TPCN1: variants seen among roughly 807,000 people sequenced by gnomAD.
The protein encoded by TPCN1 is two pore channel protein 1.
A neutral mutation model predicts 108.8 loss-of-function variants in TPCN1; 52 were observed. That is an observed-to-expected ratio of 0.48 (90% CI 0.38 to 0.60). The LOEUF is 0.60. TPCN1 is among the 20% of genes least tolerant of loss of function. The pLI is 0.00. For missense variants in TPCN1, 806 were observed against 1,072.8 expected (o/e 0.75, Z 3.47); for synonymous variants, 446 against 433.7 (o/e 1.03, Z -0.35).
chr12:113,293,510 G>A (rs1459653993), intron 27 of TPCN1, among the ~76,000 whole-genome samples, 161 bp downstream of exon 27: 1 of 152,184 alleles, frequency 6.6e-6, no homozygotes, highest in Non-Finnish European at 1.5e-5. Flanking sequence ...CCTGAGCGGG[G>A]CTCACTTAGC....
At chr12:113,240,564 TGAG>T (rs1954072121) in intron 2 of TPCN1, among the ~76,000 whole-genome samples, 1 of 152,218 alleles carries the variant, frequency 6.6e-6, no homozygotes, top group Non-Finnish European at 1.5e-5. Flanking sequence ...CTTTCTGCAT[TGAG>T]GATGTGAACC....
At chr12:113,275,566 G>A (rs1321130854) in intron 10 of TPCN1, among the ~76,000 whole-genome samples, 4 of 146,622 alleles carry the variant, frequency 2.7e-5, no homozygotes, top group African/African-American at 1.0e-4. Context: ...TTAAAAAGGA[G>A]AAAATATTTC....
At chr12:113,249,218 G>A (rs1165370429) in intron 2 of TPCN1, among the ~76,000 whole-genome samples, 10 of 152,190 alleles carry the variant, frequency 6.6e-5, no homozygotes, top group Admixed American at 2.0e-4. Flanking sequence ...TGGAGGGACC[G>A]TCTGTGCGAG....
rs778247471 is a variant in TPCN1, at chr12:113,272,132, C to T, written c.749-526C>T. 4.6e-5 allele frequency among the ~76,000 whole-genome samples: 7 copies of T among 152,300 alleles called. No homozygotes were observed. The highest frequency in any genetic ancestry group is 7.2e-5 in the African/African-American group (3 of 41,554). ...TCTCCGGGGGTAGGGGCTGATTTCC[C>T]CTGAGGGCAGAGTTCCTCCCTTTTC... is the stretch of plus-strand genomic sequence containing the variant. On this transcript the variant is annotated intron_variant, in intron 7 of 27. Coordinates refer to ENST00000335509, the MANE Select transcript of TPCN1 (RefSeq NM_017901.6). This position sits in a 1 kb window ranked among gnomAD's most constrained non-coding sequence, Gnocchi z 4.1.
In TPCN1 at chr12:113,284,243, G is replaced by A. The variant is rs1313523226; in HGVS notation, c.1343-338G>A. Reference sequence around the variant, plus strand: ...TTATTTTAAAATTAGAAGTCTCTAGGGGAAAACAAGTGTTTTCAATACTTG... The same window carrying A: ...TTATTTTAAAATTAGAAGTCTCTAGAGGAAAACAAGTGTTTTCAATACTTG... On this transcript the variant is annotated intron_variant, in intron 15 of 27. Coordinates refer to ENST00000335509, the MANE Select transcript of TPCN1 (RefSeq NM_017901.6). This position sits in a 1 kb window ranked among gnomAD's most constrained non-coding sequence, Gnocchi z 4.1. Among the ~76,000 whole-genome samples, 1 of 152,160 alleles carries A rather than the reference G, an allele frequency of 6.6e-6. No homozygotes were observed. The highest frequency in any genetic ancestry group is 1.5e-5 in the Non-Finnish European group (1 of 68,038).
intron 18 of TPCN1, among the ~76,000 whole-genome samples, chr12:113,286,291 C>A (rs544377220): frequency 1.3e-3 from 197 of 152,352 alleles, no homozygotes; most frequent in Middle Eastern, 3.4e-3. Flanking sequence ...ATGCTCCCCC[C>A]CTTCCTTGAT....
intron 2 of TPCN1, among the ~76,000 whole-genome samples, chr12:113,240,001 G>A (rs1028532531): frequency 6.6e-6 from 1 of 152,074 alleles, no homozygotes; most frequent in African/African-American, 2.4e-5. Flanking sequence ...TCGTCGACAA[G>A]CATGATGTCT....
intron 24 of TPCN1, 31 bp from the exon 25 acceptor site, chr12:113,291,843 C>T (rs1363215962): frequency 6.6e-7 from 1 of 1,520,846 alleles, no homozygotes. Context: ...TCCTCCCCTG[C>T]CTCTGCCCCT....
Position 113,273,839 on chromosome 12 carries a change from G to A in TPCN1, c.942+171G>A, listed in dbSNP as rs969796198. Among the ~76,000 whole-genome samples, 10 of 152,152 alleles carry A rather than the reference G, an allele frequency of 6.6e-5. No homozygotes were observed. The highest frequency in any genetic ancestry group is 1.3e-4 in the Non-Finnish European group (9 of 68,040). On this transcript the variant is annotated intron_variant, in intron 10 of 27. Transcript: ENST00000335509. This position sits in a 1 kb window ranked among gnomAD's most constrained non-coding sequence, Gnocchi z 4.0. ...GCGGTGTTGCAGGGAATGCCCTGTC[G>A]GGACTTCAGGAGTTCAGCCAGTTGC...
chr12:113,277,067 C>A, intron 11 of TPCN1, 32 bp downstream of exon 11: 1 of 1,597,994 alleles, frequency 6.3e-7, no homozygotes, highest in South Asian at 1.1e-5. Context: ...GGGGCTTGGT[C>A]CCTGTCCTCC....
rs189195132 is a variant in TPCN1, at chr12:113,260,145, T to G, written c.113-223T>G. On this transcript the variant is annotated intron_variant, in intron 2 of 27. Coordinates refer to ENST00000335509, the MANE Select transcript of TPCN1 (RefSeq NM_017901.6). ...ACATTAGAGAGCATACTATTTGTAC[T>G]CTTTTGTACTTGCTTTTTTCACTTA... Among the ~76,000 whole-genome samples, 635 of 152,328 alleles carry G rather than the reference T, an allele frequency of 4.2e-3. 10 individuals are homozygous for G. The highest frequency in any genetic ancestry group is 5.1e-3 in the Non-Finnish European group (347 of 68,030).
intron 2 of TPCN1, among the ~76,000 whole-genome samples, chr12:113,233,522 C>T (rs1001114142): frequency 3.9e-5 from 6 of 152,230 alleles, no homozygotes; most frequent in African/African-American, 9.6e-5. Context: ...ACAGCCCCCA[C>T]GCCGCCTTCC....
Position 113,288,724 on chromosome 12 carries a change from G to C in TPCN1, c.1707-34G>C, listed in dbSNP as rs76145795. 6.2e-7 allele frequency: 1 copy of C among 1,607,894 alleles called. No individual in the cohort carries two copies. The highest frequency in any genetic ancestry group is 1.7e-5 in the Admixed American group (1 of 59,984). On this transcript the variant is annotated intron_variant, in intron 20 of 27. Transcript: ENST00000335509. The surrounding 1 kb of genome is among the most constrained non-coding windows in gnomAD (Gnocchi z 4.8). Reference sequence around the variant, plus strand: ...TGCAGAGGAGCCGTTCCCTCCTGCCGGCCCCGCGTCACCCTGCCCCTGTCG... The same window carrying C: ...TGCAGAGGAGCCGTTCCCTCCTGCCCGCCCCGCGTCACCCTGCCCCTGTCG...
At position 113,273,457 on chromosome 12, in the gene TPCN1, C is replaced by G; in HGVS notation, c.843-112C>G. 8.0e-7 allele frequency: 1 copy of G among 1,255,104 alleles called. No individual in the cohort carries two copies. The highest frequency in any genetic ancestry group is 1.2e-5 in the South Asian group (1 of 82,848). 77.7% of individuals were successfully genotyped at this position (1,255,104 alleles called of 1,614,324 possible). On this transcript the variant is annotated intron_variant, in intron 9 of 27. Transcript: ENST00000335509. This position sits in a 1 kb window ranked among gnomAD's most constrained non-coding sequence, Gnocchi z 4.0. ...GAGCCCAGGGATGAGAGTAGGGGAACCAGGGTTGGAGGCTGGGAAGGCAGA... is the reference window on the plus strand; with the variant it reads ...GAGCCCAGGGATGAGAGTAGGGGAAGCAGGGTTGGAGGCTGGGAAGGCAGA...
At chr12:113,259,614 G>T (rs995952480) in intron 2 of TPCN1, among the ~76,000 whole-genome samples, 1 of 152,194 alleles carries the variant, frequency 6.6e-6, no homozygotes, top group Non-Finnish European at 1.5e-5. Context: ...AGAGGCAGCC[G>T]CCAGCAACAA....
chr12:113,279,357 GTGTATATATATA>G lies in TPCN1; in HGVS notation c.1297+524_1297+535del, dbSNP rs1171171940. ...TGTGTGTATATATATGTGTGTGTGT[GTGTATATATATA>G]TATATATATATATATATATATATTT... On this transcript the variant is annotated intron_variant, in intron 14 of 27. Coordinates refer to ENST00000335509, the MANE Select transcript of TPCN1 (RefSeq NM_017901.6). Among the ~76,000 whole-genome samples, 195 of 65,990 alleles carry G rather than the reference GTGTATATATATA, an allele frequency of 3.0e-3. 3 individuals carry two copies. Among genetic ancestry groups the G allele is most frequent in the African/African-American group, 0.011 (151 of 13,986 alleles). The allele number at this position is 65,990 out of a possible 152,430, so 43.3% of individuals were successfully genotyped here. A position where few individuals can be genotyped will look rare whatever the true frequency, so the allele number is the denominator to read the frequency against.
rs1258315972 is a variant in TPCN1 at position 113,260,391 on chromosome 12, G to A, written c.136G>A (p.Asp46Asn). The A allele has an allele frequency of 5.3e-6, 8 of 1,506,856 alleles. No homozygotes were observed. Among genetic ancestry groups the A allele is most frequent in the Non-Finnish European group, 7.1e-6 (8 of 1,132,138 alleles). The allele number at this position is 1,506,856 out of a possible 1,614,324, so 93.3% of individuals were successfully genotyped here. A position where few individuals can be genotyped will look rare whatever the true frequency, so the allele number is the denominator to read the frequency against. ...SKNGGSYAIH[D>N]SQAPSLSSGG... ...AGATGGCGGCAGCTATGCCATCCAC[G>A]ACTCCCAGGCCCCCAGTCTCAGCTC... is the stretch of plus-strand genomic sequence containing the variant. The change falls in exon 3 of 28, where the codon GAC becomes AAC. Residue 46 changes from aspartate to asparagine, a missense_variant. By Grantham distance (23) the Asp-to-Asn change is conservative (BLOSUM62 1). Coordinates refer to ENST00000335509, the MANE Select transcript of TPCN1 (RefSeq NM_017901.6).
chr12:113,277,325 C>T lies in TPCN1; in HGVS notation c.1145C>T (p.Thr382Ile), dbSNP rs1266142820. The T allele has an allele frequency of 1.2e-6, 2 of 1,614,068 alleles. No homozygotes were observed. The highest frequency in any genetic ancestry group is 1.3e-5 in the African/African-American group (1 of 74,922). The change falls in exon 12 of 28, where the codon ACC (threonine) becomes ATC (isoleucine). Residue 382 changes from threonine to isoleucine, a missense_variant. Coordinates refer to ENST00000335509, the MANE Select transcript of TPCN1 (RefSeq NM_017901.6). ...ATGAGTGCCAGGGAGCGCTATCTTACCTTCAAGGCCCTGAATCAGAACAAC... is the reference window on the plus strand; with the variant it reads ...ATGAGTGCCAGGGAGCGCTATCTTATCTTCAAGGCCCTGAATCAGAACAAC... Reference protein sequence around the residue: ...PRMSARERYLTFKALNQNNTP... With the variant: ...PRMSARERYLIFKALNQNNTP...
At chr12:113,236,749 G>A (rs1418033323) in intron 2 of TPCN1, among the ~76,000 whole-genome samples, 1 of 152,182 alleles carries the variant, frequency 6.6e-6, no homozygotes, top group African/African-American at 2.4e-5. Context: ...CACTGAGTTT[G>A]AATCCAGCCC....
Sources: allele counts gnomAD v4.1 joint callset (sites outside exome capture counted in the v4.1 genomes callset), GRCh38; gene constraint gnomAD v4.1.1; non-coding constraint Gnocchi (gnomAD v3.1); transcripts MANE v1.5; gene names NCBI Gene and HGNC (gene_info 2026-07-23, HGNC 2026-07-21).